The following PEAK1 variants were observed in gnomAD, a reference collection of about 807,000 sequenced individuals.
PEAK1 encodes pseudopodium enriched atypical kinase 1.
PEAK1 carries 54 observed loss-of-function variants against 124.7 expected under a neutral mutation model. That is an observed-to-expected ratio of 0.43 (90% CI 0.35 to 0.54). The LOEUF is 0.54. Ranked by LOEUF, PEAK1 falls within the 20% of genes least tolerant of loss-of-function variation. The pLI is 0.01. For synonymous variants in PEAK1, 719 were observed against 760.0 expected (o/e 0.95, Z 0.89); for missense variants, 2,046 against 2,134.5 (o/e 0.96, Z 0.82).
intron 8 of PEAK1, among the ~76,000 whole-genome samples, chr15:77,154,368 C>G (rs1037844293): frequency 1.3e-5 from 2 of 151,906 alleles, no homozygotes; most frequent in African/African-American, 4.8e-5. Context: ...TTATTTTGAG[C>G]CTATGTGTGT....
chr15:77,311,963 G>A (rs2064494187), intron 2 of PEAK1, among the ~76,000 whole-genome samples: 1 of 152,172 alleles, frequency 6.6e-6, no homozygotes, highest in Non-Finnish European at 1.5e-5. Flanking sequence ...AGTTAGTAGT[G>A]TGGGGAGGGA....
intron 2 of PEAK1, among the ~76,000 whole-genome samples, chr15:77,332,537 T>C (rs533576523): frequency 8.4e-4 from 128 of 151,524 alleles, no homozygotes; most frequent in Non-Finnish European, 9.7e-4. Flanking sequence ...GAGGCGGAGG[T>C]TGCAGTGAGC....
chr15:77,207,566 T>A (rs552629323), intron 6 of PEAK1, among the ~76,000 whole-genome samples: 44 of 152,240 alleles, frequency 2.9e-4, no homozygotes, highest in African/African-American at 1.0e-3. Flanking sequence ...AAGAGGCCAA[T>A]CAATCTGAAA....
At position 77,269,665 on chromosome 15, in the gene PEAK1, C is replaced by A. The variant is rs1224825407; in HGVS notation, c.-275+14218G>T. Reference sequence around the variant, plus strand: ...GCTTAATAGACATTTACATAACATTCTACCCAACAACTGCAGAATATACAT... The same window carrying A: ...GCTTAATAGACATTTACATAACATTATACCCAACAACTGCAGAATATACAT... On this transcript the variant is annotated intron_variant, in intron 5 of 9. Transcript: ENST00000682557. 3.3e-5 allele frequency among the ~76,000 whole-genome samples: 5 copies of A among 152,278 alleles called. No homozygotes were observed. The East Asian group carries it at 9.6e-4, about 29-fold the overall frequency.
At chr15:77,204,898 T>C (rs1173070690) in intron 6 of PEAK1, 1 of 185,158 alleles carries the variant, frequency 5.4e-6, no homozygotes, top group Non-Finnish European at 1.1e-5. Flanking sequence ...AGTGAGACTC[T>C]GTCCAAAAAA....
At chr15:77,336,200 AGAGAATCAGCCTCATTCATGTTTGCATT>A in intron 2 of PEAK1, 1 of 985,456 alleles carries the variant, frequency 1.0e-6, no homozygotes, top group African/African-American at 1.7e-5. Context: ...CTTCAGGGGC[AGAGAATCAGCCTCATTCATGTTTGCATT>A]CCAAGAACCA....
At chr15:77,233,371 T>A (rs1204169664) in intron 6 of PEAK1, among the ~76,000 whole-genome samples, 2 of 152,218 alleles carry the variant, frequency 1.3e-5, no homozygotes, top group Non-Finnish European at 2.9e-5. Context: ...TCTCACCTTA[T>A]CAAACCTTTT....
In PEAK1 at chr15:77,418,200, C is replaced by G. The variant is rs570588140; in HGVS notation, c.-666+1806G>C. The G allele has an allele frequency of 1.1e-4, 104 of 985,354 alleles. No homozygotes were observed. In the Middle Eastern group the frequency reaches 4.7e-3, roughly 45 times the overall value. The allele number at this position is 985,354 out of a possible 1,614,324, so 61.0% of individuals were successfully genotyped here. A position where few individuals can be genotyped will look rare whatever the true frequency, so the allele number is the denominator to read the frequency against. ...TCATAATAGTTCAAAGTGATCTTAT[C>G]TTTTTCTTTCACCAAAACACTTCTC... On this transcript the variant is annotated intron_variant, in intron 1 of 9. Coordinates refer to ENST00000682557, the MANE Select transcript of PEAK1 (RefSeq NM_001385026.1).
intron 1 of PEAK1, among the ~76,000 whole-genome samples, chr15:77,391,672 G>C (rs980398728): frequency 2.6e-5 from 4 of 152,118 alleles, no homozygotes; most frequent in Admixed American, 2.6e-4. Context: ...CAAAGATACA[G>C]AAGTCTGAAT....
At chr15:77,224,411 G>A (rs1164484871) in intron 6 of PEAK1, among the ~76,000 whole-genome samples, 1 of 151,982 alleles carries the variant, frequency 6.6e-6, no homozygotes, top group Non-Finnish European at 1.5e-5. Flanking sequence ...GTCTGATGGT[G>A]CCTTTCTTTC....
chr15:77,255,521 T>TGAGAACACAAGCCAC, intron 5 of PEAK1: 10 of 323,156 alleles, frequency 3.1e-5, no homozygotes, highest in Non-Finnish European at 4.5e-5. Context: ...ACAAGAAAAA[T>TGAGAACACAAGCCAC]ATTCCCAAAA....
At chr15:77,404,886 G>T in intron 1 of PEAK1, 1 of 591,350 alleles carries the variant, frequency 1.7e-6, no homozygotes, top group Non-Finnish European at 2.1e-6. Context: ...ACATAAATCT[G>T]CTCTCTCCTC....
chr15:77,218,526 G>A (rs1044537850), intron 6 of PEAK1, among the ~76,000 whole-genome samples: 21 of 151,372 alleles, frequency 1.4e-4, no homozygotes, highest in South Asian at 1.0e-3. Context: ...TTTTGTTAAG[G>A]AATTATGCCT....
intron 8 of PEAK1, among the ~76,000 whole-genome samples, chr15:77,134,769 A>C (rs568583979): frequency 6.6e-6 from 1 of 152,292 alleles, no homozygotes; most frequent in Admixed American, 6.5e-5. Flanking sequence ...AGGCTCTGTT[A>C]TGGGTTGAAT....
chr15:77,226,474 G>C (rs942571177), intron 6 of PEAK1, among the ~76,000 whole-genome samples: 1 of 151,958 alleles, frequency 6.6e-6, no homozygotes, highest in African/African-American at 2.4e-5. Flanking sequence ...ATAAGACAAT[G>C]AATAACTTTG....
intron 5 of PEAK1, among the ~76,000 whole-genome samples, chr15:77,279,713 G>T (rs1441266323): frequency 6.6e-6 from 1 of 152,168 alleles, no homozygotes; most frequent in Non-Finnish European, 1.5e-5. Flanking sequence ...CTGATTTTTG[G>T]TAGTTCATTG....
At chr15:77,270,609 C>T (rs1026661428) in intron 5 of PEAK1, among the ~76,000 whole-genome samples, 1 of 152,194 alleles carries the variant, frequency 6.6e-6, no homozygotes, top group African/African-American at 2.4e-5. Context: ...CTACAAACCA[C>T]TGCTCAACGG....
Position 77,181,184 on chromosome 15 carries a change from T to G in PEAK1, c.743A>C (p.Glu248Ala), listed in dbSNP as rs1308256274. The stretch of plus-strand genomic sequence containing the variant: ...ATCACTCTCATCCCAACTCTCGTGC[T>G]CCTCCTCCATGTTACTGAAAAGTAC... The part of the protein sequence containing the change: ...EDVLFSNMEE[E>A]HESWDESDEE... Residue 248 changes from glutamate to alanine, a missense_variant, in exon 7 of 10, where the codon GAG (glutamate) becomes GCG (alanine). Physicochemically the swap from Glu to Ala is moderately radical, Grantham distance 107 (BLOSUM62 -1). Coordinates refer to ENST00000682557, the MANE Select transcript of PEAK1 (RefSeq NM_001385026.1). 6.2e-7 allele frequency: 1 copy of G among 1,614,090 alleles called. No homozygotes were observed. Among genetic ancestry groups the G allele is most frequent in the Non-Finnish European group, 8.5e-7 (1 of 1,179,994 alleles).
intron 7 of PEAK1, among the ~76,000 whole-genome samples, chr15:77,177,186 T>C (rs1371095732): frequency 2.0e-5 from 3 of 152,038 alleles, no homozygotes; most frequent in Non-Finnish European, 2.9e-5. Context: ...GAACTCCTGA[T>C]CTCAGGTGAT....
Sources: allele counts gnomAD v4.1 joint callset (sites outside exome capture counted in the v4.1 genomes callset), GRCh38; gene constraint gnomAD v4.1.1; transcripts MANE v1.5; gene names NCBI Gene and HGNC (gene_info 2026-07-23, HGNC 2026-07-21).